CNTNAP2: variants seen among roughly 807,000 people sequenced by gnomAD.
The protein encoded by CNTNAP2 is contactin-associated protein-like 2.
A neutral mutation model predicts 155.2 loss-of-function variants in CNTNAP2; 98 were observed. The observed-to-expected ratio is 0.63, with a 90% CI of 0.54 to 0.75. The LOEUF is 0.75. Ranked by LOEUF, CNTNAP2 falls within the 30% of genes least tolerant of loss-of-function variation. CNTNAP2 has a pLI of 0.00. For synonymous variants in CNTNAP2, 651 were observed against 631.2 expected, an observed-to-expected ratio of 1.03 and a Z score of -0.47; for missense variants, 1,727 against 1,688.1, an observed-to-expected ratio of 1.02 and a Z score of -0.40.
At chr7:148,387,174 A>G (rs1410070727) in intron 22 of CNTNAP2, among the ~76,000 whole-genome samples, 6 of 152,158 alleles carry the variant, frequency 3.9e-5, no homozygotes, top group South Asian at 4.1e-4. Context: ...TTCTGCACCT[A>G]TTGAATCCCC....
At chr7:146,380,478 T>C (rs1795365510) in intron 1 of CNTNAP2, among the ~76,000 whole-genome samples, 1 of 152,188 alleles carries the variant, frequency 6.6e-6, no homozygotes, top group Non-Finnish European at 1.5e-5. Flanking sequence ...AAAGCATTTC[T>C]GGTTTTGTCT....
At chr7:147,011,602 G>A (rs867356352) in intron 3 of CNTNAP2, among the ~76,000 whole-genome samples, 16 of 151,262 alleles carry the variant, frequency 1.1e-4, no homozygotes, top group Middle Eastern at 3.4e-3. Flanking sequence ...AAGCAGCCTC[G>A]GAAGCAAAGT....
intron 13 of CNTNAP2, among the ~76,000 whole-genome samples, chr7:147,754,339 T>G (rs535355630): frequency 6.6e-6 from 1 of 152,358 alleles, no homozygotes; most frequent in East Asian, 1.9e-4. Context: ...AAGCTTGTAT[T>G]CTGTCCTTTT....
At chr7:146,620,492 CT>C (rs1799299017) in intron 1 of CNTNAP2, among the ~76,000 whole-genome samples, 1 of 152,098 alleles carries the variant, frequency 6.6e-6, no homozygotes, top group African/African-American at 2.4e-5. Context: ...AAAATTGTGA[CT>C]GAGGGAGGTT....
At chr7:146,620,355 C>A (rs888641656) in intron 1 of CNTNAP2, among the ~76,000 whole-genome samples, 2 of 152,114 alleles carry the variant, frequency 1.3e-5, no homozygotes, top group African/African-American at 4.8e-5. Flanking sequence ...TGGGTTCCTG[C>A]CAGAGATGTA....
chr7:148,219,605 G>A (rs1393266919), intron 19 of CNTNAP2, among the ~76,000 whole-genome samples: 1 of 152,220 alleles, frequency 6.6e-6, no homozygotes, highest in African/African-American at 2.4e-5. Flanking sequence ...GCTGAGGCAG[G>A]ATGATTGCTT....
At position 147,463,935 on chromosome 7, in the gene CNTNAP2, GT is replaced by G. The variant is rs1174446753; in HGVS notation, c.1671-21999del. Among the ~76,000 whole-genome samples, 3 of 107,644 alleles carry G rather than the reference GT, an allele frequency of 2.8e-5. No homozygotes were observed. The East Asian group carries it at 9.2e-4, about 33-fold the overall frequency. The allele number at this position is 107,644 out of a possible 152,430, so 70.6% of individuals were successfully genotyped here. ...AATACTAAAAATCTGCATAAACACA[GT>G]ATACCTATTTGGCCCCACTACTAAA... On this transcript the variant is annotated intron_variant, in intron 10 of 23. Transcript: ENST00000361727.
chr7:147,316,492 T>C (rs1372012131), intron 9 of CNTNAP2, among the ~76,000 whole-genome samples: 1 of 152,162 alleles, frequency 6.6e-6, no homozygotes, highest in Admixed American at 6.5e-5. Flanking sequence ...TTAAGTAGTA[T>C]AAGAAAGTTT....
chr7:147,713,063 C>T (rs934255279), intron 13 of CNTNAP2, among the ~76,000 whole-genome samples: 2 of 152,114 alleles, frequency 1.3e-5, no homozygotes, highest in African/African-American at 2.4e-5. Context: ...TGCTAGTACA[C>T]GTGATTCTCT....
rs139371419 is a variant in CNTNAP2 at position 146,459,021 on chromosome 7, A to C, written c.98-315250A>C. Among the ~76,000 whole-genome samples the C allele has an allele frequency of 6.3e-3, 964 of 152,252 alleles. 10 individuals carry two copies. The highest frequency in any genetic ancestry group is 0.022 in the African/African-American group (910 of 41,540). On this transcript the variant is annotated intron_variant, in intron 1 of 23. Transcript: ENST00000361727. The stretch of plus-strand genomic sequence containing the variant: ...TTGTTGGTTATGAAAATACTCTTGC[A>C]TATCAAAAACTCTCAGCACTACTTA...
At chr7:146,734,076 T>C (rs1195992697) in intron 1 of CNTNAP2, among the ~76,000 whole-genome samples, 1 of 152,118 alleles carries the variant, frequency 6.6e-6, no homozygotes, top group Non-Finnish European at 1.5e-5. Flanking sequence ...ATAAAGATGC[T>C]GGTAGCTTGT....
At position 148,258,811 on chromosome 7, in the gene CNTNAP2, A is replaced by G. The variant is rs538460245; in HGVS notation, c.3382-8222A>G. Among the ~76,000 whole-genome samples, 3 of 152,224 alleles carry G rather than the reference A, an allele frequency of 2.0e-5. No homozygotes were observed. The East Asian group carries it at 5.8e-4, about 29-fold the overall frequency. On this transcript the variant is annotated intron_variant, in intron 20 of 23. Coordinates refer to ENST00000361727, the MANE Select transcript of CNTNAP2 (RefSeq NM_014141.6). Reference sequence around the variant, plus strand: ...GTTGGGAGGTTGAGGTGGGAGGATCACTTGAGCCCAGGAATTTGAGACAAG... The same window carrying G: ...GTTGGGAGGTTGAGGTGGGAGGATCGCTTGAGCCCAGGAATTTGAGACAAG...
intron 21 of CNTNAP2, among the ~76,000 whole-genome samples, chr7:148,331,599 TGGATGGAATGGAC>T (rs1798015612): frequency 8.4e-6 from 1 of 119,694 alleles, no homozygotes; most frequent in African/African-American, 3.2e-5. Context: ...ATGGAATGGA[TGGATGGAATGGAC>T]GGATGGAGTC....
At chr7:147,526,043 T>C (rs911721803) in intron 11 of CNTNAP2, among the ~76,000 whole-genome samples, 1 of 151,810 alleles carries the variant, frequency 6.6e-6, no homozygotes, top group Non-Finnish European at 1.5e-5. Flanking sequence ...AATACAAAAA[T>C]TAGCCAGGTG....
chr7:146,776,925 A>C (rs1368374954), intron 2 of CNTNAP2, among the ~76,000 whole-genome samples: 3 of 152,144 alleles, frequency 2.0e-5, no homozygotes, highest in Non-Finnish European at 4.4e-5. Flanking sequence ...GAGTATCTTT[A>C]CTTTCCTTAT....
intron 1 of CNTNAP2, among the ~76,000 whole-genome samples, chr7:146,607,185 G>A (rs1799062513): frequency 6.6e-6 from 1 of 152,160 alleles, no homozygotes; most frequent in African/African-American, 2.4e-5. Flanking sequence ...GTGATAGTCT[G>A]TCAAAGTTTC....
In CNTNAP2 at chr7:147,730,233, T is replaced by G. The variant is rs552760090; in HGVS notation, c.2098+90927T>G. ...ATTACGGTCCTTTCAGAAGGGCAGA[T>G]AAAATCCAATCACAGGCATAATTGT... On this transcript the variant is annotated intron_variant, in intron 13 of 23. Coordinates refer to ENST00000361727, the MANE Select transcript of CNTNAP2 (RefSeq NM_014141.6). Among the ~76,000 whole-genome samples, 4 of 152,246 alleles carry G rather than the reference T, an allele frequency of 2.6e-5. No individual in the cohort carries two copies. The East Asian group carries it at 7.7e-4, about 29-fold the overall frequency.
chr7:147,221,434 A>G (rs1222519039), intron 8 of CNTNAP2, among the ~76,000 whole-genome samples: 2 of 152,160 alleles, frequency 1.3e-5, no homozygotes, highest in Non-Finnish European at 2.9e-5. Context: ...GATATGCAGC[A>G]GTGATGCTGG....
intron 11 of CNTNAP2, among the ~76,000 whole-genome samples, chr7:147,526,759 T>C (rs530556510): frequency 6.6e-6 from 1 of 152,330 alleles, no homozygotes; most frequent in Admixed American, 6.5e-5. Context: ...CTGGTAAAGA[T>C]GGAGGAATCA....
Sources: allele counts gnomAD v4.1 joint callset (sites outside exome capture counted in the v4.1 genomes callset), GRCh38; gene constraint gnomAD v4.1.1; transcripts MANE v1.5; gene names NCBI Gene and HGNC (gene_info 2026-07-23, HGNC 2026-07-21).